ARHGAP31: variants seen among roughly 807,000 people sequenced by gnomAD.
The protein encoded by ARHGAP31 is rho GTPase-activating protein 31.
Under a neutral mutation model 113.9 loss-of-function variants are expected in ARHGAP31, and 34 were observed. That is an observed-to-expected ratio of 0.30 (90% confidence interval 0.23 to 0.40). ARHGAP31 has a LOEUF of 0.40. ARHGAP31 is among the 10% of genes least tolerant of loss of function. The pLI is 1.00. For synonymous variants in ARHGAP31, 650 were observed against 684.8 expected (o/e 0.95, Z 0.79); for missense variants, 1,548 against 1,767.1 (o/e 0.88, Z 2.22).
At chr3:119,409,806 A>G in intron 11 of ARHGAP31, 30 bp downstream of exon 11, 1 of 1,556,042 alleles carries the variant, frequency 6.4e-7, no homozygotes, top group Non-Finnish European at 8.7e-7. Flanking sequence ...TGCTCCAGCC[A>G]GGTGGAGTTA....
intron 1 of ARHGAP31, chr3:119,322,757 G>A: frequency 6.5e-6 from 1 of 153,720 alleles, no homozygotes; most frequent in Non-Finnish European, 1.4e-5. Flanking sequence ...CTAGGCTGGG[G>A]CCCGGCCGCT....
At chr3:119,337,480 G>A (rs150587128) in intron 1 of ARHGAP31, among the ~76,000 whole-genome samples, 1 of 152,208 alleles carries the variant, frequency 6.6e-6, no homozygotes, top group East Asian at 1.9e-4. Context: ...AAAAGCAAAA[G>A]AACAAAGCTT....
chr3:119,294,931 G>A lies in ARHGAP31; in HGVS notation c.27G>A (p.Lys9=), dbSNP rs1363224575. The A allele has an allele frequency of 1.9e-6, 3 of 1,614,120 alleles. No individual in the cohort carries two copies. Among genetic ancestry groups the A allele is most frequent in the Middle Eastern group, 3.3e-4 (2 of 6,062 alleles). Residue 9 remains lysine, a synonymous_variant, in exon 1 of 12, where the codon AAG becomes AAA. Transcript: ENST00000264245. MKNKGAKQ[K]LKRKGAASAF... ...TGAAGAACAAGGGTGCTAAGCAGAA[G>A]CTGAAACGAAAGGGAGCCGCCAGCG...
intron 1 of ARHGAP31, among the ~76,000 whole-genome samples, chr3:119,304,284 A>G (rs1479888122): frequency 6.6e-6 from 1 of 152,238 alleles, no homozygotes; most frequent in Non-Finnish European, 1.5e-5. Flanking sequence ...TGAGGGCTGT[A>G]GAGGATGAGC....
chr3:119,316,386 A>T (rs2079730882), intron 1 of ARHGAP31, among the ~76,000 whole-genome samples: 2 of 152,240 alleles, frequency 1.3e-5, no homozygotes, highest in Admixed American at 1.3e-4. Flanking sequence ...TTAGGACTGG[A>T]TAAACTTGAT....
chr3:119,414,636 G>A lies in ARHGAP31; in HGVS notation c.2707G>A (p.Glu903Lys). 6.2e-7 allele frequency: 1 copy of A among 1,614,228 alleles called. No homozygotes were observed. Among genetic ancestry groups the A allele is most frequent in the South Asian group, 1.1e-5 (1 of 91,092 alleles). The change falls in exon 12 of 12, where the codon GAG becomes AAG. Residue 903 changes from glutamate to lysine, a missense_variant. Physicochemically the swap from Glu to Lys is moderately conservative, Grantham distance 56 (BLOSUM62 1). Coordinates refer to ENST00000264245, the MANE Select transcript of ARHGAP31 (RefSeq NM_020754.4). Reference protein sequence around the residue: ...TVTDIAQHGLEMVEPWEEPQW... With the variant: ...TVTDIAQHGLKMVEPWEEPQW... ...GACAGACATTGCCCAGCATGGCCTG[G>A]AGATGGTGGAGCCCTGGGAGGAACC...
rs565146823 is a variant in ARHGAP31 at position 119,322,341 on chromosome 3, T to C, written c.100+27337T>C. On this transcript the variant is annotated intron_variant, in intron 1 of 11. Coordinates refer to ENST00000264245, the MANE Select transcript of ARHGAP31 (RefSeq NM_020754.4). ...AATTTATCTTAGACATAAATGAAAA[T>C]AGAGGTAACTCAAAGCGTCTAACCC... Among the ~76,000 whole-genome samples the C allele has an allele frequency of 3.3e-5, 5 of 152,336 alleles. No homozygotes were observed. The East Asian group carries it at 5.8e-4, about 18-fold the overall frequency.
intron 1 of ARHGAP31, among the ~76,000 whole-genome samples, chr3:119,348,934 A>G (rs1041969184): frequency 6.6e-6 from 1 of 152,200 alleles, no homozygotes; most frequent in African/African-American, 2.4e-5. Flanking sequence ...GGTTTGGATA[A>G]TTGCAATATC....
chr3:119,375,843 A>C (rs183854189), intron 3 of ARHGAP31, among the ~76,000 whole-genome samples: 133 of 152,110 alleles, frequency 8.7e-4, no homozygotes, highest in African/African-American at 3.1e-3. Flanking sequence ...TATCTTTTTA[A>C]ATTTTTTGAA....
chr3:119,305,590 A>G (rs1402458514), intron 1 of ARHGAP31, among the ~76,000 whole-genome samples: 2 of 152,114 alleles, frequency 1.3e-5, no homozygotes, highest in South Asian at 2.1e-4. Flanking sequence ...TTTGGCGACA[A>G]TTGTTGGCTT....
chr3:119,359,017 C>CT (rs202168432), intron 1 of ARHGAP31, among the ~76,000 whole-genome samples: 12,020 of 145,040 alleles, frequency 0.083, 535 homozygotes, highest in Middle Eastern at 0.1. Flanking sequence ...TTGTTTTTAA[C>CT]TTTTTTTTTT....
At chr3:119,337,292 G>T (rs575221422) in intron 1 of ARHGAP31, among the ~76,000 whole-genome samples, 1 of 152,304 alleles carries the variant, frequency 6.6e-6, no homozygotes, top group East Asian at 1.9e-4. Flanking sequence ...TGAAGCTGCA[G>T]ACCTTTGCGT....
At chr3:119,371,333 T>C (rs1431157541) in intron 3 of ARHGAP31, among the ~76,000 whole-genome samples, 1 of 152,222 alleles carries the variant, frequency 6.6e-6, no homozygotes, top group Non-Finnish European at 1.5e-5. Flanking sequence ...TTGCTAATCA[T>C]TGTGTTTTCT....
intron 1 of ARHGAP31, among the ~76,000 whole-genome samples, chr3:119,358,174 A>G (rs1160472939): frequency 6.6e-6 from 1 of 152,174 alleles, no homozygotes; most frequent in Non-Finnish European, 1.5e-5. Flanking sequence ...CCCAGCAAAG[A>G]CCACCCAACT....
intron 1 of ARHGAP31, among the ~76,000 whole-genome samples, chr3:119,354,678 A>ATTTTT (rs762067141): frequency 7.9e-6 from 1 of 127,250 alleles, no homozygotes; most frequent in Non-Finnish European, 1.6e-5. Context: ...TGCCGGGCTA[A>ATTTTT]TTTTTTTTTT....
intron 1 of ARHGAP31, among the ~76,000 whole-genome samples, chr3:119,319,419 C>T (rs1458538028): frequency 6.6e-6 from 1 of 152,038 alleles, no homozygotes; most frequent in Non-Finnish European, 1.5e-5. Flanking sequence ...CTGCCACCGT[C>T]TTTTATTTTT....
In ARHGAP31 at chr3:119,383,038, T is replaced by TTG. The variant is rs147532572; in HGVS notation, c.540-44_540-43dup. 0.07 allele frequency: 112,976 copies of TTG among 1,612,030 alleles called. 4,837 individuals carry two copies. The highest frequency in any genetic ancestry group is 0.2 in the Admixed American group (11,773 of 59,992). ...CACTGGCTCCTCTTGCTGCTTCAGG[T>TTG]TGTAAGGCAAACTCACTAACTGAAT... On this transcript the variant is annotated intron_variant, in intron 5 of 11. Transcript: ENST00000264245.
chr3:119,351,449 A>C (rs778064035), intron 1 of ARHGAP31, among the ~76,000 whole-genome samples: 10 of 152,190 alleles, frequency 6.6e-5, no homozygotes, highest in Non-Finnish European at 1.3e-4. Context: ...ACTGCACCCC[A>C]GTTTGCCACT....
At chr3:119,382,996 G>A (rs1175213979) in intron 5 of ARHGAP31, 88 bp from the exon 6 acceptor site, 2 of 1,490,534 alleles carry the variant, frequency 1.3e-6, no homozygotes, top group African/African-American at 1.4e-5. Flanking sequence ...TAGGAGATGA[G>A]CCTTGTGCAA....
Sources: allele counts gnomAD v4.1 joint callset (sites outside exome capture counted in the v4.1 genomes callset), GRCh38; gene constraint gnomAD v4.1.1; transcripts MANE v1.5; gene names NCBI Gene and HGNC (gene_info 2026-07-23, HGNC 2026-07-21).